PCIF1: variants seen among roughly 807,000 people sequenced by gnomAD.
The protein encoded by PCIF1 is phosphorylated CTD interacting factor 1, also known as mRNA (2'-O-methyladenosine-N(6)-)-methyltransferase.
In PCIF1, 12 loss-of-function variants were observed where a neutral mutation model predicts 86.9. The ratio of observed to expected loss-of-function variants is 0.14; its 90% CI spans 0.09 to 0.22. The LOEUF (loss-of-function observed/expected upper bound fraction) is 0.22. Among genes scored for constraint, PCIF1 ranks in the 10% least tolerant of loss-of-function variants. The probability of loss-of-function intolerance (pLI) is 1.00; values close to 1 mark genes in which losing one functional copy is unlikely to be tolerated. For synonymous variants in PCIF1, 397 were observed against 372.0 expected (o/e 1.07, Z -0.77); for missense variants, 701 against 951.1 (o/e 0.74, Z 3.46).
Position 45,940,602 on chromosome 20 carries a change from A to G in PCIF1, c.377A>G (p.Lys126Arg), listed in dbSNP as rs1174201455. The change falls in exon 5 of 17, where the codon AAG (lysine) becomes AGG (arginine). Residue 126 changes from lysine to arginine, a missense_variant. Physicochemically the swap from Lys to Arg is conservative, Grantham distance 26. Transcript: ENST00000372409. ...SEEQPSGNGV[K>R]KPKIEIPVTP... ...GAGCAGCCAAGCGGCAATGGTGTGA[A>G]GAAGCCCAAGGTGAGTGTCTGTGGC... 6.2e-7 allele frequency: 1 copy of G among 1,612,140 alleles called. No individual in the cohort carries two copies. The highest frequency in any genetic ancestry group is 8.5e-7 in the Non-Finnish European group (1 of 1,179,156).
chr20:45,940,611 A>G lies in PCIF1; in HGVS notation c.386A>G (p.Lys129Arg). 1 of 1,610,436 alleles carries G rather than the reference A, an allele frequency of 6.2e-7. No individual in the cohort carries two copies. The highest frequency in any genetic ancestry group is 1.3e-5 in the African/African-American group (1 of 74,916). Residue 129 changes from lysine (K) to arginine (R), a missense_variant and splice_region_variant, in exon 5 of 17, where the codon AAG (lysine) becomes AGG (arginine). Around this residue, in one of 7 missense-constraint regions of PCIF1, gnomAD observed 125 missense variants for 126.8 expected, o/e 0.99. Coordinates refer to ENST00000372409, the MANE Select transcript of PCIF1 (RefSeq NM_022104.4). ...AGCGGCAATGGTGTGAAGAAGCCCA[A>G]GGTGAGTGTCTGTGGCCAGGAGCCG... ...QPSGNGVKKP[K>R]IEIPVTPTGQ...
chr20:45,938,156 G>A (rs779167253), intron 2 of PCIF1, among the ~76,000 whole-genome samples: 3 of 152,172 alleles, frequency 2.0e-5, no homozygotes, highest in South Asian at 2.1e-4. Flanking sequence ...TGCTTTGGGT[G>A]GGGGAGTAGG....
chr20:45,937,796 G>A, intron 2 of PCIF1: 1 of 386,648 alleles, frequency 2.6e-6, no homozygotes, highest in Non-Finnish European at 4.6e-6. Context: ...TACTGATGGA[G>A]TAACCATTGA....
intron 1 of PCIF1, among the ~76,000 whole-genome samples, chr20:45,936,163 T>C (rs923270651): frequency 2.0e-5 from 3 of 152,096 alleles, no homozygotes; most frequent in Non-Finnish European, 4.4e-5. Flanking sequence ...GGGTACTTTA[T>C]TTTATTTTTT....
Position 45,943,696 on chromosome 20 carries a change from C to T in PCIF1, c.936C>T (p.Val312=). ...CATCCCCTGACAGTAGGAAGGTGGT[C>T]AAATGGAATGTGGAAGACACCTTTA... ...RSASPDSRKV[V]KWNVEDTFSW... is the part of the protein sequence containing the mutation. Residue 312 remains valine (V), a synonymous_variant, in exon 10 of 17, where the codon GTC becomes GTT. Transcript: ENST00000372409. This position sits in a 1 kb window ranked among gnomAD's most constrained non-coding sequence, Gnocchi z 5.5. 6.4e-7 allele frequency: 1 copy of T among 1,563,348 alleles called. No individual in the cohort carries two copies. The highest frequency in any genetic ancestry group is 8.7e-7 in the Non-Finnish European group (1 of 1,153,098).
rs757042250 is a variant in PCIF1 at position 45,940,799 on chromosome 20, T to C, written c.388-10T>C. On this transcript the variant is annotated splice_polypyrimidine_tract_variant and intron_variant, in intron 5 of 16. Transcript: ENST00000372409. Reference sequence around the variant, plus strand: ...CTCCTGACTTGACACCTTTGTGACTTTCACTACAGATTGAAATCCCAGTGA... The same window carrying C: ...CTCCTGACTTGACACCTTTGTGACTCTCACTACAGATTGAAATCCCAGTGA... The C allele has an allele frequency of 3.1e-6, 5 of 1,611,866 alleles. No individual in the cohort carries two copies. In the South Asian group the frequency reaches 4.4e-5, roughly 14 times the overall value.
chr20:45,947,148 C>A lies in PCIF1; in HGVS notation c.1689C>A (p.Ala563=), dbSNP rs1160773805. ...CCTTCTGCGAGGAGCTCATGGATGC[C>A]ATGGTCTCTCACTTTGAGGTGGGTG... The part of the protein sequence containing the change: ...NPPFCEELMD[A]MVSHFERLLE... The change falls in exon 15 of 17, where the codon GCC becomes GCA. Residue 563 remains alanine (A), a synonymous_variant. Coordinates refer to ENST00000372409, the MANE Select transcript of PCIF1 (RefSeq NM_022104.4). This position sits in a 1 kb window ranked among gnomAD's most constrained non-coding sequence, Gnocchi z 5.4. 6.2e-7 allele frequency: 1 copy of A among 1,613,182 alleles called. No homozygotes were observed.
At chr20:45,942,766 CTTTTTTTT>C (rs780815783) in intron 7 of PCIF1, among the ~76,000 whole-genome samples, 19 of 71,762 alleles carry the variant, frequency 2.6e-4, no homozygotes, top group African/African-American at 7.8e-4. Flanking sequence ...CAGCTAATTT[CTTTTTTTT>C]TTTTTTTTTT....
In PCIF1 at chr20:45,934,696, C is replaced by T. The variant is rs1380043786; in HGVS notation, c.-296C>T. 4 of 398,732 alleles carry T rather than the reference C, an allele frequency of 1.0e-5. No homozygotes were observed. The South Asian group carries it at 3.8e-4, about 38-fold the overall frequency. 24.7% of individuals were successfully genotyped at this position (398,732 alleles called of 1,614,324 possible). ...CGCATGCGCAGCGCGGAGTCCCGGC[C>T]CGGGACACAAGATGGCGGCAGCGGC... On this transcript the variant is annotated 5_prime_UTR_variant, in exon 1 of 17. Coordinates refer to ENST00000372409, the MANE Select transcript of PCIF1 (RefSeq NM_022104.4).
At chr20:45,935,486 G>C (rs1040349284) in intron 1 of PCIF1, among the ~76,000 whole-genome samples, 1 of 152,124 alleles carries the variant, frequency 6.6e-6, no homozygotes, top group Admixed American at 6.5e-5. Flanking sequence ...CTTAAGAGCA[G>C]TTATGTCTTA....
chr20:45,943,468 G>C lies in PCIF1; in HGVS notation c.905+45G>C. The C allele has an allele frequency of 6.3e-7, 1 of 1,577,672 alleles. No homozygotes were observed. Among genetic ancestry groups the C allele is most frequent in the South Asian group, 1.1e-5 (1 of 90,108 alleles). ...CAGGCGAGATGGGTCTGTGATTAAA[G>C]TGGCAGGTCATAGGCCATCTTGCCC... On this transcript the variant is annotated intron_variant, in intron 9 of 16. Transcript: ENST00000372409. This position sits in a 1 kb window ranked among gnomAD's most constrained non-coding sequence, Gnocchi z 5.5.
chr20:45,947,260 C>T lies in PCIF1; in HGVS notation c.1708-3C>T, dbSNP rs373411297. On this transcript the variant is annotated splice_polypyrimidine_tract_variant and splice_region_variant and intron_variant, in intron 15 of 16. Coordinates refer to ENST00000372409, the MANE Select transcript of PCIF1 (RefSeq NM_022104.4). The surrounding 1 kb of genome is among the most constrained non-coding windows in gnomAD (Gnocchi z 5.4). ...GACATCCACCCTGTGTCCCCTTCCACAGAGACTGCTTGAGAGCTCACCGGA... is the reference window on the plus strand; with the variant it reads ...GACATCCACCCTGTGTCCCCTTCCATAGAGACTGCTTGAGAGCTCACCGGA... 6.3e-5 allele frequency: 101 copies of T among 1,609,012 alleles called. No individual in the cohort carries two copies. The highest frequency in any genetic ancestry group is 7.9e-5 in the Non-Finnish European group (93 of 1,176,300).
At chr20:45,942,471 C>T (rs181092839) in intron 7 of PCIF1, among the ~76,000 whole-genome samples, 2 of 152,086 alleles carry the variant, frequency 1.3e-5, no homozygotes, top group African/African-American at 4.8e-5. Flanking sequence ...CATGCCACCA[C>T]ACCCAGCTAA....
At chr20:45,939,431 G>A in intron 4 of PCIF1, 92 bp downstream of exon 4, 1 of 1,552,418 alleles carries the variant, frequency 6.4e-7, no homozygotes, top group Non-Finnish European at 8.7e-7. Context: ...TCAGTGCCCA[G>A]CCCTGTGCTG....
At chr20:45,935,235 G>T (rs945024042) in intron 1 of PCIF1, among the ~76,000 whole-genome samples, 1 of 151,848 alleles carries the variant, frequency 6.6e-6, no homozygotes, top group African/African-American at 2.4e-5. Flanking sequence ...TCGCCTTCGT[G>T]CGCCGTCGCG....
In PCIF1 at chr20:45,939,227, A is replaced by T. The variant is rs199747773; in HGVS notation, c.137A>T (p.His46Leu). 6.2e-7 allele frequency: 1 copy of T among 1,613,950 alleles called. No homozygotes were observed. Among genetic ancestry groups the T allele is most frequent in the East Asian group, 2.2e-5 (1 of 44,888 alleles). Reference protein sequence around the residue: ...LVQDLPEELVHAGWEKCWSRR... With the variant: ...LVQDLPEELVLAGWEKCWSRR... ...TGCCTGTTTGCAGAGGAGCTGGTGC[A>T]TGCAGGCTGGGAGAAGTGCTGGAGC... The change falls in exon 4 of 17, where the codon CAT becomes CTT. Residue 46 changes from histidine (H) to leucine (L), a missense_variant. His to Leu is a moderately conservative substitution (Grantham distance 99). Around this residue, in one of 7 missense-constraint regions of PCIF1, gnomAD observed 60 missense variants for 58.6 expected, o/e 1.02. Coordinates refer to ENST00000372409, the MANE Select transcript of PCIF1 (RefSeq NM_022104.4).
intron 14 of PCIF1, among the ~76,000 whole-genome samples, chr20:45,946,666 A>AGAAGTGGG (rs1457175103): frequency 7.2e-5 from 11 of 151,946 alleles, no homozygotes; most frequent in Non-Finnish European, 2.9e-5. Context: ...GAGAGGAGTG[A>AGAAGTGGG]GAAGTGGGGC....
In PCIF1 at chr20:45,945,433, A is replaced by G. The variant is rs1008740057; in HGVS notation, c.1169-278A>G. Among the ~76,000 whole-genome samples the G allele has an allele frequency of 2.6e-5, 4 of 152,074 alleles. No individual in the cohort carries two copies. The East Asian group carries it at 7.7e-4, about 29-fold the overall frequency. ...TCTCGTTCTTCTGCCTGGCAGCACA[A>G]CCCACGGGCCTGAGCCTTCTTGCCT... On this transcript the variant is annotated intron_variant, in intron 11 of 16. Coordinates refer to ENST00000372409, the MANE Select transcript of PCIF1 (RefSeq NM_022104.4).
intron 2 of PCIF1, 80 bp from the exon 3 acceptor site, chr20:45,938,901 G>T (rs1011996114): frequency 6.4e-7 from 1 of 1,553,970 alleles, no homozygotes; most frequent in Non-Finnish European, 8.7e-7. Context: ...ACATCGGTGG[G>T]TGGTCACTGG....
Sources: gnomAD v4.1 joint callset for allele counts (sites outside exome capture counted in the v4.1 genomes callset) on GRCh38, gnomAD v4.1.1 for gene constraint, gnomAD v4.1.1 regional missense constraint, Gnocchi (gnomAD v3.1) non-coding constraint, MANE v1.5 for transcripts, NCBI Gene and HGNC (gene_info 2026-07-23, HGNC 2026-07-21) for gene names.